The following ROBO1 variants were observed in gnomAD, a reference collection of about 807,000 sequenced individuals.
The protein encoded by ROBO1 is roundabout homolog 1.
Under a neutral mutation model 195.9 loss-of-function variants are expected in ROBO1, and 149 were observed. That is an observed-to-expected ratio of 0.76 (90% CI 0.67 to 0.87). The LOEUF (loss-of-function observed/expected upper bound fraction) is 0.87. Among genes scored for constraint, ROBO1 ranks in the 40% least tolerant of loss-of-function variants. ROBO1 has a pLI of 0.00. For missense variants in ROBO1, 1,933 were observed against 2,068.3 expected (o/e 0.93, Z 1.27); for synonymous variants, 816 against 733.2 (o/e 1.11, Z -1.82).
rs551694153 is a variant in ROBO1, at chr3:79,761,128, A to G, written c.-51+6624T>C. On this transcript the variant is annotated intron_variant, in intron 1 of 30. Transcript: ENST00000464233. ...TATACTATATATTTTTACCATACCT[A>G]CTAAATATATAATAATAATATATTT... Among the ~76,000 whole-genome samples, 49 of 148,082 alleles carry G rather than the reference A, an allele frequency of 3.3e-4. 1 individual carries two copies. The South Asian group carries it at 5.7e-3, about 17-fold the overall frequency.
chr3:79,388,411 TG>T (rs927602033), intron 2 of ROBO1, among the ~76,000 whole-genome samples: 1 of 151,932 alleles, frequency 6.6e-6, no homozygotes, highest in African/African-American at 2.4e-5. Flanking sequence ...CCCCTGGGGA[TG>T]GGTGTGAGGG....
intron 2 of ROBO1, among the ~76,000 whole-genome samples, chr3:79,141,841 C>A (rs1452270211): frequency 6.6e-6 from 1 of 152,108 alleles, no homozygotes; most frequent in African/African-American, 2.4e-5. Flanking sequence ...CTCGCTAATT[C>A]AGTCTTATTA....
chr3:78,728,824 G>T (rs2082222153), intron 5 of ROBO1, among the ~76,000 whole-genome samples: 1 of 152,146 alleles, frequency 6.6e-6, no homozygotes, highest in Non-Finnish European at 1.5e-5. Context: ...AGGCAATTAG[G>T]ATCTCTCCAT....
intron 2 of ROBO1, among the ~76,000 whole-genome samples, chr3:79,572,835 G>A (rs1943324185): frequency 6.6e-6 from 1 of 151,952 alleles, no homozygotes; most frequent in Admixed American, 6.6e-5. Flanking sequence ...GTTTGGTCCG[G>A]GAGGCCTCGT....
intron 2 of ROBO1, among the ~76,000 whole-genome samples, chr3:79,213,009 G>C (rs1217707072): frequency 6.6e-6 from 1 of 151,886 alleles, no homozygotes; most frequent in Non-Finnish European, 1.5e-5. Context: ...GACTTGGGAG[G>C]CTGAGGCAGG....
intron 6 of ROBO1, 46 bp downstream of exon 6, chr3:78,717,717 A>G: frequency 1.3e-6 from 2 of 1,592,950 alleles, no homozygotes; most frequent in Non-Finnish European, 1.7e-6. Context: ...ACAAAATGAT[A>G]AGAGATCTAT....
At chr3:79,440,642 G>C (rs988647182) in intron 2 of ROBO1, among the ~76,000 whole-genome samples, 1 of 152,014 alleles carries the variant, frequency 6.6e-6, no homozygotes, top group African/African-American at 2.4e-5. Context: ...AGTTGTCTGC[G>C]CATTTGCTCC....
intron 1 of ROBO1, among the ~76,000 whole-genome samples, chr3:79,648,678 T>C (rs1945907532): frequency 6.6e-6 from 1 of 152,090 alleles, no homozygotes; most frequent in African/African-American, 2.4e-5. Flanking sequence ...GCTGAATTTA[T>C]TTCACTTTTA....
intron 3 of ROBO1, among the ~76,000 whole-genome samples, chr3:79,037,978 A>G (rs781199448): frequency 6.6e-6 from 1 of 152,172 alleles, no homozygotes. Flanking sequence ...TTGTCCTTTC[A>G]TTATGATCCA....
At chr3:79,334,311 A>AAT (rs367879037) in intron 2 of ROBO1, among the ~76,000 whole-genome samples, 40,040 of 130,510 alleles carry the variant, frequency 0.31, 7,501 homozygotes, top group Admixed American at 0.46. Flanking sequence ...AAAAAAAAAA[A>AAT]ATATATATAT....
chr3:79,702,137 C>T lies in ROBO1; in HGVS notation c.-51+65615G>A, dbSNP rs556479805. The stretch of plus-strand genomic sequence containing the variant: ...ACTAGTGATATAAAAATCACACCAT[C>T]CATAATTAAAAGAAAATGGCCAAAG... On this transcript the variant is annotated intron_variant, in intron 1 of 30. Transcript: ENST00000464233. Among the ~76,000 whole-genome samples the T allele has an allele frequency of 5.9e-5, 9 of 151,778 alleles. No individual in the cohort carries two copies. The East Asian group carries it at 1.4e-3, about 23-fold the overall frequency.
intron 2 of ROBO1, among the ~76,000 whole-genome samples, chr3:79,382,624 G>T (rs73848871): frequency 4.6e-5 from 7 of 152,194 alleles, no homozygotes; most frequent in Non-Finnish European, 5.9e-5. Flanking sequence ...TAAGTTGAAG[G>T]TATGATTCTT....
At chr3:78,692,476 GC>G in intron 8 of ROBO1, among the ~76,000 whole-genome samples, 1 of 152,166 alleles carries the variant, frequency 6.6e-6, no homozygotes. Context: ...TTGCCATGTT[GC>G]CCAGGCTGCT....
At chr3:78,679,201 A>T (rs1382147030) in intron 10 of ROBO1, among the ~76,000 whole-genome samples, 1 of 151,740 alleles carries the variant, frequency 6.6e-6, no homozygotes, top group African/African-American at 2.4e-5. Flanking sequence ...TATCTATGAC[A>T]AACCCACAGC....
chr3:79,477,017 A>G (rs906431454), intron 2 of ROBO1, among the ~76,000 whole-genome samples: 11 of 152,158 alleles, frequency 7.2e-5, no homozygotes, highest in African/African-American at 2.7e-4. Context: ...TTATTAACAC[A>G]TTAATTAATA....
chr3:78,955,093 T>C (rs1018739330), intron 3 of ROBO1, among the ~76,000 whole-genome samples: 9 of 116,142 alleles, frequency 7.7e-5, no homozygotes, highest in Admixed American at 1.6e-4. Context: ...GTTATACAGG[T>C]AAACTGTGTG....
At chr3:79,504,734 T>C (rs1940296032) in intron 2 of ROBO1, among the ~76,000 whole-genome samples, 1 of 152,162 alleles carries the variant, frequency 6.6e-6, no homozygotes, top group South Asian at 2.1e-4. Context: ...CCCCAATTTG[T>C]TTGATTTTTT....
At chr3:79,025,657 A>G (rs983735231) in intron 3 of ROBO1, among the ~76,000 whole-genome samples, 10 of 152,216 alleles carry the variant, frequency 6.6e-5, no homozygotes, top group African/African-American at 2.4e-4. Context: ...CTAACTGAAT[A>G]TCACTTATGG....
intron 1 of ROBO1, among the ~76,000 whole-genome samples, chr3:79,619,785 G>C (rs1388937455): frequency 6.6e-6 from 1 of 152,104 alleles, no homozygotes; most frequent in Non-Finnish European, 1.5e-5. Context: ...TAGACCCAGA[G>C]GGGACAGAAA....
Sources: gnomAD v4.1 joint callset for allele counts (sites outside exome capture counted in the v4.1 genomes callset) on GRCh38, gnomAD v4.1.1 for gene constraint, MANE v1.5 for transcripts, NCBI Gene and HGNC (gene_info 2026-07-23, HGNC 2026-07-21) for gene names.